Variants in DYNC2LI1 observed in about 807,000 individuals in gnomAD.
DYNC2LI1 encodes dynein cytoplasmic 2 light intermediate chain 1.
A neutral mutation model predicts 51.9 loss-of-function variants in DYNC2LI1; 45 were observed. The ratio of observed to expected loss-of-function variants is 0.87; its 90% CI spans 0.68 to 1.11. The LOEUF is 1.11. Ranked by LOEUF, DYNC2LI1 falls within the 50% of genes most tolerant of loss-of-function variation. DYNC2LI1 has a pLI of 0.00. For missense variants in DYNC2LI1, 490 were observed against 417.4 expected (o/e 1.17, Z -1.51); for synonymous variants, 130 against 137.8 (o/e 0.94, Z 0.40).
At chr2:43,805,105 T>TGAG (rs1292156491) in intron 11 of DYNC2LI1, 49 bp from the exon 12 acceptor site, 1 of 1,233,188 alleles carries the variant, frequency 8.1e-7, no homozygotes, top group South Asian at 1.3e-5. Context: ...TGGTAGCCAT[T>TGAG]GAATTTTGGT....
At chr2:43,818,853 A>T in the DYNC2LI1 span, among the ~76,000 whole-genome samples, 1 of 152,146 alleles carries the variant, frequency 6.6e-6, no homozygotes, top group African/African-American at 2.4e-5. Context: ...CCCTTGAGGC[A>T]GGTGGGGCTG....
chr2:43,794,511 C>T lies in DYNC2LI1; in HGVS notation c.375C>T (p.Pro125=). ...LDLSKPNDLW[P]TMENLLQATK... ...TTTCAAAACCTAATGATCTCTGGCC[C>T]ACCATGGAAAATCTCTTGCAAGCCA... Residue 125 remains proline, a synonymous_variant, in exon 6 of 13, where the codon CCC becomes CCT. Coordinates refer to ENST00000260605, the MANE Select transcript of DYNC2LI1 (RefSeq NM_016008.4). 2.5e-6 allele frequency: 4 copies of T among 1,613,890 alleles called. No homozygotes were observed. In the South Asian group the frequency reaches 4.4e-5, roughly 18 times the overall value.
chr2:43,805,559 T>TG, intron 12 of DYNC2LI1: 1 of 169,054 alleles, frequency 5.9e-6, no homozygotes, highest in Non-Finnish European at 1.3e-5. Flanking sequence ...ATTCTTACCT[T>TG]GCTGCTGGAG....
chr2:43,823,011 G>A, the DYNC2LI1 span: 183 of 1,579,246 alleles, frequency 1.2e-4, no homozygotes, highest in Non-Finnish European at 1.5e-4. Flanking sequence ...CAAGCTGAAT[G>A]TGAGGTCTGT....
At chr2:43,810,366 C>G (rs773454928), downstream of DYNC2LI1, 1 of 985,300 alleles carries the variant, frequency 1.0e-6, no homozygotes, top group Non-Finnish European at 1.2e-6. Flanking sequence ...TTAAATACCA[C>G]TTTTTGAAGA....
At chr2:43,826,613 T>G in the DYNC2LI1 span, 10 of 1,578,444 alleles carry the variant, frequency 6.3e-6, no homozygotes, top group Non-Finnish European at 7.8e-6. Context: ...CTTATTGAGT[T>G]TGTACCCCAT....
intron 5 of DYNC2LI1, chr2:43,792,588 A>G: frequency 7.4e-7 from 1 of 1,348,264 alleles, no homozygotes; most frequent in Non-Finnish European, 9.8e-7. Context: ...GTATATTCTC[A>G]TCACCATACA....
At chr2:43,808,562 G>A (rs1242118015) in intron 12 of DYNC2LI1, among the ~76,000 whole-genome samples, 1 of 152,088 alleles carries the variant, frequency 6.6e-6, no homozygotes, top group Non-Finnish European at 1.5e-5. Flanking sequence ...CCCCTTAGAT[G>A]GTCCCTTTTA....
the DYNC2LI1 span, among the ~76,000 whole-genome samples, chr2:43,823,629 T>C: frequency 6.6e-6 from 1 of 152,222 alleles, no homozygotes; most frequent in Admixed American, 6.5e-5. Flanking sequence ...CAAGATGAGA[T>C]AGGAGGAATG....
chr2:43,822,454 A>G, the DYNC2LI1 span: 1 of 914,604 alleles, frequency 1.1e-6, no homozygotes, highest in Non-Finnish European at 1.3e-6. Context: ...TTTTACATTC[A>G]GGCTGCTTTC....
At chr2:43,818,678 C>G in the DYNC2LI1 span, among the ~76,000 whole-genome samples, 8 of 152,170 alleles carry the variant, frequency 5.3e-5, no homozygotes, top group African/African-American at 1.7e-4. Flanking sequence ...TAACAATCCA[C>G]TTAAGCAACA....
intron 8 of DYNC2LI1, among the ~76,000 whole-genome samples, chr2:43,798,625 G>A (rs900231919): frequency 6.6e-6 from 1 of 152,168 alleles, no homozygotes; most frequent in Non-Finnish European, 1.5e-5. Flanking sequence ...TCAGGTCAAC[G>A]CAGTCCACAG....
Position 43,809,902 on chromosome 2 carries a change from G to C in DYNC2LI1, c.*135G>C, listed in dbSNP as rs1379509032. On this transcript the variant is annotated 3_prime_UTR_variant, in exon 13 of 13. Coordinates refer to ENST00000260605, the MANE Select transcript of DYNC2LI1 (RefSeq NM_016008.4). ...GTTAAAGGACAAGCTGGATTTCTTG[G>C]ACTAGTGCATCTCCCTGTATATCTT... is the stretch of plus-strand genomic sequence containing the variant. 3.5e-6 allele frequency: 5 copies of C among 1,424,778 alleles called. No homozygotes were observed. Among genetic ancestry groups the C allele is most frequent in the Non-Finnish European group, 4.6e-6 (5 of 1,090,420 alleles). 88.3% of individuals were successfully genotyped at this position (1,424,778 alleles called of 1,614,324 possible). A position where few individuals can be genotyped will look rare whatever the true frequency, so the allele number is the denominator to read the frequency against.
rs536977133 is a variant in DYNC2LI1, at chr2:43,807,743, C to CAAAAA, written c.994-1936_994-1932dup. Reference sequence around the variant, plus strand: ...TTCTTTTCTATTATTTTTGTTAAAGCAAAAAAAAAAAAAAAAAAAAAAAAA... The same window carrying CAAAAA: ...TTCTTTTCTATTATTTTTGTTAAAGCAAAAAAAAAAAAAAAAAAAAAAAAAAAAAA... On this transcript the variant is annotated intron_variant, in intron 12 of 12. Transcript: ENST00000260605. 2.0e-3 allele frequency among the ~76,000 whole-genome samples: 82 copies of CAAAAA among 41,642 alleles called. 2 individuals are homozygous for CAAAAA. The highest frequency in any genetic ancestry group is 4.0e-3 in the African/African-American group (56 of 13,928). The allele number at this position is 41,642 out of a possible 152,430, so 27.3% of individuals were successfully genotyped here.
intron 12 of DYNC2LI1, among the ~76,000 whole-genome samples, chr2:43,807,634 G>T (rs1413041768): frequency 6.7e-6 from 1 of 149,360 alleles, no homozygotes; most frequent in African/African-American, 2.5e-5. Flanking sequence ...GCCCAGGCTG[G>T]TCTTCAACTC....
At chr2:43,774,785 T>G (rs1205086967) in intron 1 of DYNC2LI1, among the ~76,000 whole-genome samples, 1 of 151,586 alleles carries the variant, frequency 6.6e-6, no homozygotes, top group Admixed American at 6.6e-5. Context: ...CAAGGGATAA[T>G]TGGTTAGTTA....
At chr2:43,815,208 C>A in the DYNC2LI1 span, among the ~76,000 whole-genome samples, 1 of 152,188 alleles carries the variant, frequency 6.6e-6, no homozygotes, top group East Asian at 1.9e-4. Flanking sequence ...TGAAATATGT[C>A]TCCTCTCCAA....
rs112163078 is a variant in DYNC2LI1 at position 43,787,164 on chromosome 2, C to T, written c.162-17C>T. The T allele has an allele frequency of 2.2e-5, 35 of 1,595,532 alleles. No homozygotes were observed. The highest frequency in any genetic ancestry group is 1.1e-4 in the African/African-American group (8 of 74,464). ...ATACCACCTACAATGATAATACTAT[C>T]GGCCTTTATTATACAGAGATGAACC... On this transcript the variant is annotated splice_polypyrimidine_tract_variant and intron_variant, in intron 3 of 12. Transcript: ENST00000260605.
chr2:43,776,929 A>C, intron 2 of DYNC2LI1, 30 bp downstream of exon 2: 1 of 1,119,000 alleles, frequency 8.9e-7, no homozygotes, highest in Non-Finnish European at 1.3e-6. Flanking sequence ...AATTATTGTG[A>C]TGATTTAACA....
Sources: allele counts gnomAD v4.1 joint callset (sites outside exome capture counted in the v4.1 genomes callset), GRCh38; gene constraint gnomAD v4.1.1; transcripts MANE v1.5; gene names NCBI Gene and HGNC (gene_info 2026-07-23, HGNC 2026-07-21).